PARD6G: variants seen among roughly 807,000 people sequenced by gnomAD.
PARD6G encodes the protein par-6 family cell polarity regulator gamma, also known as partitioning defective 6 homolog gamma.
In PARD6G, 7 loss-of-function variants were observed where a neutral mutation model predicts 10.7. That is an observed-to-expected ratio of 0.66 (90% CI 0.37 to 1.23). The LOEUF is 1.23. Among genes scored for constraint, PARD6G ranks in the 50% most tolerant of loss-of-function variants. The probability of loss-of-function intolerance (pLI) is 0.02; values close to 1 mark genes in which losing one functional copy is unlikely to be tolerated. For synonymous variants in PARD6G, 287 were observed against 269.4 expected, an observed-to-expected ratio of 1.07 and a Z score of -0.64; for missense variants, 548 against 571.8, an observed-to-expected ratio of 0.96 and a Z score of 0.42.
chr18:80,212,828 T>C (rs1224966139), intron 1 of PARD6G, among the ~76,000 whole-genome samples: 2 of 151,928 alleles, frequency 1.3e-5, no homozygotes, highest in Non-Finnish European at 2.9e-5. Context: ...GAGGTTGCAG[T>C]GAGCCGAGAT....
intron 1 of PARD6G, among the ~76,000 whole-genome samples, chr18:80,204,914 C>T (rs1453277346): frequency 2.0e-5 from 3 of 151,988 alleles, no homozygotes; most frequent in African/African-American, 7.3e-5. Flanking sequence ...ATCATGCCAC[C>T]GCACTCCAGC....
At chr18:80,173,342 C>T (rs965178465) in intron 2 of PARD6G, among the ~76,000 whole-genome samples, 18 of 152,206 alleles carry the variant, frequency 1.2e-4, no homozygotes, top group Middle Eastern at 3.4e-3. Context: ...GGGGCAAACG[C>T]GGCCGTGCAC....
chr18:80,177,124 G>GCA lies in PARD6G; in HGVS notation c.296-16520_296-16519dup, dbSNP rs980113711. 2.5e-4 allele frequency among the ~76,000 whole-genome samples: 32 copies of GCA among 130,512 alleles called. 1 individual carries two copies. Among genetic ancestry groups the GCA allele is most frequent in the South Asian group, 1.3e-3 (5 of 3,938 alleles). The allele number at this position is 130,512 out of a possible 152,430, so 85.6% of individuals were successfully genotyped here. ...GGATAAATCACAGCCCAAATGGGAA[G>GCA]CACACACACACACACCACAGTATAA... On this transcript the variant is annotated intron_variant, in intron 2 of 2. Coordinates refer to ENST00000353265, the MANE Select transcript of PARD6G (RefSeq NM_032510.4).
At chr18:80,225,959 C>A (rs1967284185) in intron 1 of PARD6G, among the ~76,000 whole-genome samples, 1 of 152,124 alleles carries the variant, frequency 6.6e-6, no homozygotes, top group Admixed American at 6.5e-5. Context: ...AAGAAAACCA[C>A]TGTAATGTGT....
chr18:80,179,520 C>G (rs564612606), intron 2 of PARD6G, among the ~76,000 whole-genome samples: 35 of 152,352 alleles, frequency 2.3e-4, no homozygotes, highest in African/African-American at 7.0e-4. Context: ...TGCCTCCCCC[C>G]ACCCAGGAGG....
In PARD6G at chr18:80,180,946, C is replaced by G. The variant is rs1433354786; in HGVS notation, c.296-20340G>C. Among the ~76,000 whole-genome samples, 1 of 152,228 alleles carries G rather than the reference C, an allele frequency of 6.6e-6. No individual in the cohort carries two copies. The highest frequency in any genetic ancestry group is 1.5e-5 in the Non-Finnish European group (1 of 68,034). On this transcript the variant is annotated intron_variant, in intron 2 of 2. Coordinates refer to ENST00000353265, the MANE Select transcript of PARD6G (RefSeq NM_032510.4). The surrounding 1 kb of genome is among the most constrained non-coding windows in gnomAD (Gnocchi z 5.6). ...CTCTCCACATGCAGATGCCCCACAGCAAAGAAATGTCCAGCGCAGAACGTC... is the reference window on the plus strand; with the variant it reads ...CTCTCCACATGCAGATGCCCCACAGGAAAGAAATGTCCAGCGCAGAACGTC...
chr18:80,198,274 G>A (rs1428956871), intron 2 of PARD6G, among the ~76,000 whole-genome samples: 1 of 152,192 alleles, frequency 6.6e-6, no homozygotes, highest in Non-Finnish European at 1.5e-5. Flanking sequence ...ATCTGATGAT[G>A]CTAGGGAACA....
chr18:80,244,414 T>C (rs1440424248), intron 1 of PARD6G, among the ~76,000 whole-genome samples: 1 of 152,088 alleles, frequency 6.6e-6, no homozygotes, highest in Admixed American at 6.5e-5. Context: ...ATCAAGACCA[T>C]ATGGCCCCTC....
rs1220038057 is a variant in PARD6G, at chr18:80,159,892, C to T, written c.1010G>A (p.Arg337Gln). Residue 337 changes from arginine to glutamine, a missense_variant, in exon 3 of 3, where the codon CGG becomes CAG. Coordinates refer to ENST00000353265, the MANE Select transcript of PARD6G (RefSeq NM_032510.4). ...GAGGCCGCCGTCCAGGGCCAGGTCC[C>T]GCTGCAGCCGCTGCGCCAGGCCCGC... ...NGAGLAQRLQ[R>Q]DLALDGGLQR... is the part of the protein sequence containing the mutation. 3.3e-6 allele frequency: 5 copies of T among 1,513,482 alleles called. No homozygotes were observed. Among genetic ancestry groups the T allele is most frequent in the African/African-American group, 1.4e-5 (1 of 69,268 alleles). The allele number at this position is 1,513,482 out of a possible 1,614,324, so 93.8% of individuals were successfully genotyped here.
chr18:80,246,024 C>T lies in PARD6G; in HGVS notation c.72+1253G>A, dbSNP rs1308322301. Among the ~76,000 whole-genome samples, 1 of 152,048 alleles carries T rather than the reference C, an allele frequency of 6.6e-6. No individual in the cohort carries two copies. Among genetic ancestry groups the T allele is most frequent in the Non-Finnish European group, 1.5e-5 (1 of 67,990 alleles). ...CCCCGCCTCAATCCTCTGCAGACAC[C>T]CTGGAAATCCTACTCCAAAGGTCAG... On this transcript the variant is annotated intron_variant, in intron 1 of 2. Transcript: ENST00000353265. This position sits in a 1 kb window ranked among gnomAD's most constrained non-coding sequence, Gnocchi z 6.7.
chr18:80,238,695 T>C (rs903875411), intron 1 of PARD6G, among the ~76,000 whole-genome samples: 18 of 152,070 alleles, frequency 1.2e-4, no homozygotes, highest in African/African-American at 4.1e-4. Flanking sequence ...TGTATTTCAC[T>C]GTAATACACT....
intron 1 of PARD6G, among the ~76,000 whole-genome samples, chr18:80,205,747 T>A (rs781646050): frequency 3.0e-4 from 46 of 152,296 alleles, no homozygotes; most frequent in Middle Eastern, 6.8e-3. Flanking sequence ...GTGAGCCAAT[T>A]AAGTCTCTTT....
chr18:80,167,012 C>G (rs1370077065), intron 2 of PARD6G, among the ~76,000 whole-genome samples: 1 of 152,106 alleles, frequency 6.6e-6, no homozygotes, highest in Non-Finnish European at 1.5e-5. Flanking sequence ...TCTAAAGGTG[C>G]AGGGCTCCGT....
At chr18:80,199,055 T>C (rs1432080177) in intron 2 of PARD6G, among the ~76,000 whole-genome samples, 1 of 152,214 alleles carries the variant, frequency 6.6e-6, no homozygotes, top group East Asian at 1.9e-4. Context: ...CATGAGTCTA[T>C]GGATTTGCCC....
intron 2 of PARD6G, among the ~76,000 whole-genome samples, chr18:80,195,580 T>TATATATATATATATGTATATA (rs1217519591): frequency 7.4e-6 from 1 of 134,308 alleles, no homozygotes; most frequent in Non-Finnish European, 1.6e-5. Flanking sequence ...TATACACACA[T>TATATATATATATATGTATATA]TTTTTTTTCT....
At chr18:80,219,743 A>G (rs1967209589) in intron 1 of PARD6G, among the ~76,000 whole-genome samples, 1 of 152,200 alleles carries the variant, frequency 6.6e-6, no homozygotes, top group African/African-American at 2.4e-5. Flanking sequence ...ATCTGAGACC[A>G]GCCTGACTTT....
In PARD6G at chr18:80,210,355, C is replaced by A. The variant is rs190043063; in HGVS notation, c.73-7423G>T. 7.2e-5 allele frequency among the ~76,000 whole-genome samples: 11 copies of A among 152,330 alleles called. No individual in the cohort carries two copies. The East Asian group carries it at 2.1e-3, about 29-fold the overall frequency. On this transcript the variant is annotated intron_variant, in intron 1 of 2. Coordinates refer to ENST00000353265, the MANE Select transcript of PARD6G (RefSeq NM_032510.4). ...TGCAACAATGCAAGGAGTGTTTATT[C>A]TAGAAAAGCAGCTGAATCTCAGTAA...
chr18:80,187,000 G>GAGGCA (rs2052883346), intron 2 of PARD6G, among the ~76,000 whole-genome samples: 1 of 152,106 alleles, frequency 6.6e-6, no homozygotes, highest in Non-Finnish European at 1.5e-5. Context: ...TCAGGAGGCT[G>GAGGCA]AGGCAGGAGA....
In PARD6G at chr18:80,175,637, C is replaced by T. The variant is rs2052804009; in HGVS notation, c.296-15031G>A. Among the ~76,000 whole-genome samples, 2 of 152,244 alleles carry T rather than the reference C, an allele frequency of 1.3e-5. No individual in the cohort carries two copies. The highest frequency in any genetic ancestry group is 4.1e-4 in the South Asian group (2 of 4,834). On this transcript the variant is annotated intron_variant, in intron 2 of 2. Coordinates refer to ENST00000353265, the MANE Select transcript of PARD6G (RefSeq NM_032510.4). This position sits in a 1 kb window ranked among gnomAD's most constrained non-coding sequence, Gnocchi z 6.7. ...ACGCACACTGTTCCGTAATTGTTCT[C>T]TTGCTGAGTGTATCTGAGTCACGTT...
Sources: allele counts gnomAD v4.1 joint callset (sites outside exome capture counted in the v4.1 genomes callset), GRCh38; gene constraint gnomAD v4.1.1; non-coding constraint Gnocchi (gnomAD v3.1); transcripts MANE v1.5; gene names NCBI Gene and HGNC (gene_info 2026-07-23, HGNC 2026-07-21).